The following CCNL1 variants were observed in gnomAD, a reference collection of about 807,000 sequenced individuals.
CCNL1 encodes the protein cyclin-L1.
CCNL1 carries 13 observed loss-of-function variants against 60.6 expected under a neutral mutation model. The observed-to-expected ratio is 0.21, with a 90% CI of 0.14 to 0.34. The LOEUF is 0.34. Among genes scored for constraint, CCNL1 ranks in the 10% least tolerant of loss-of-function variants. The pLI is 1.00. For missense variants in CCNL1, 481 were observed against 664.3 expected, an observed-to-expected ratio of 0.72 and a Z score of 3.03; for synonymous variants, 270 against 244.3, an observed-to-expected ratio of 1.10 and a Z score of -0.98.
intron 5 of CCNL1, chr3:157,150,588 A>G: frequency 2.3e-6 from 3 of 1,285,378 alleles, no homozygotes; most frequent in Non-Finnish European, 9.9e-7. Flanking sequence ...ATTTTCCTAT[A>G]TATGAGCGAA....
chr3:157,156,772 T>G (rs1237827685), intron 3 of CCNL1, among the ~76,000 whole-genome samples: 1 of 152,214 alleles, frequency 6.6e-6, no homozygotes, highest in Non-Finnish European at 1.5e-5. Flanking sequence ...TTAAGACAAG[T>G]GATATGCTTT....
intron 10 of CCNL1, chr3:157,149,064 G>C: frequency 1.9e-6 from 1 of 519,788 alleles, no homozygotes; most frequent in Non-Finnish European, 3.4e-6. Context: ...TTTGTGGGTA[G>C]CTCCTACACT....
chr3:157,157,136 G>A, intron 3 of CCNL1: 1 of 1,284,140 alleles, frequency 7.8e-7, no homozygotes, highest in East Asian at 5.6e-5. Flanking sequence ...ACATATACAA[G>A]TTACGTGCTT....
intron 3 of CCNL1, chr3:157,157,140 C>T (rs574087252): frequency 2.5e-5 from 32 of 1,276,580 alleles, no homozygotes; most frequent in African/African-American, 1.2e-4. Flanking sequence ...ATACAAGTTA[C>T]GTGCTTGAGT....
chr3:157,156,661 A>G (rs1738646941), intron 3 of CCNL1, among the ~76,000 whole-genome samples: 1 of 152,222 alleles, frequency 6.6e-6, no homozygotes, highest in South Asian at 2.1e-4. Flanking sequence ...GAAGAGACCA[A>G]TGACCTACAA....
chr3:157,155,488 T>C (rs947119852), intron 3 of CCNL1, among the ~76,000 whole-genome samples: 12 of 152,202 alleles, frequency 7.9e-5, no homozygotes, highest in Admixed American at 1.3e-4. Context: ...TATAATTCAA[T>C]ATATACTTAA....
chr3:157,159,765 C>T, intron 1 of CCNL1, 27 bp downstream of exon 1: 1 of 1,502,878 alleles, frequency 6.7e-7, no homozygotes, highest in South Asian at 1.3e-5. Context: ...GAGGAGCGCC[C>T]GGCCGGCCCG....
intron 5 of CCNL1, 140 bp from the exon 6 acceptor site, chr3:157,150,521 ACTCTT>A: frequency 7.2e-7 from 1 of 1,390,938 alleles, no homozygotes; most frequent in Non-Finnish European, 9.4e-7. Context: ...GCATATAACA[ACTCTT>A]AACTCAAAAA....
intron 2 of CCNL1, 111 bp from the exon 3 acceptor site, chr3:157,159,086 T>C: frequency 1.4e-6 from 1 of 725,474 alleles, no homozygotes; most frequent in Non-Finnish European, 2.3e-6. Flanking sequence ...AAGACATCTC[T>C]ATGCCGTAAG....
rs1229490108 is a variant in CCNL1, at chr3:157,153,144, G to T, written c.501C>A (p.Pro167=). The T allele has an allele frequency of 1.2e-6, 2 of 1,611,830 alleles. No homozygotes were observed. The highest frequency in any genetic ancestry group is 2.2e-5 in the South Asian group (2 of 90,830). Residue 167 remains proline (P), a synonymous_variant, in exon 4 of 11, where the codon CCC becomes CCA. Coordinates refer to ENST00000295926, the MANE Select transcript of CCNL1 (RefSeq NM_020307.4). ...TAATGTAGTTCTGATCAAGGATCAG[G>T]GGGCTTGGAGTCCTATAGTTTGTAA... The part of the protein sequence containing the change: ...RQLRGKRTPS[P]LILDQNYINT...
At chr3:157,158,229 C>T (rs1738777103) in intron 3 of CCNL1, among the ~76,000 whole-genome samples, 1 of 152,192 alleles carries the variant, frequency 6.6e-6, no homozygotes. Context: ...CTAAATGCAA[C>T]CCAATCAATC....
At chr3:157,144,295 CTG>C (rs1737720072), downstream of CCNL1, among the ~76,000 whole-genome samples, 1 of 152,172 alleles carries the variant, frequency 6.6e-6, no homozygotes, top group African/African-American at 2.4e-5. Context: ...ATCTTTTGAA[CTG>C]TGTTTGAGAG....
chr3:157,145,466 C>CAAAAAAAAAAAAA (rs1737755942), downstream of CCNL1, among the ~76,000 whole-genome samples: 164 of 88,944 alleles, frequency 1.8e-3, 10 homozygotes, highest in African/African-American at 6.5e-3. Flanking sequence ...AAAAAAAAAC[C>CAAAAAAAAAAAAA]AAAACGGGAT....
chr3:157,159,649 C>G, intron 1 of CCNL1, 143 bp downstream of exon 1: 1 of 1,011,962 alleles, frequency 9.9e-7, no homozygotes, highest in Non-Finnish European at 1.4e-6. Context: ...CGCCCCGGCA[C>G]GCCCCGGCCG....
chr3:157,148,632 G>A (rs1218873999), intron 10 of CCNL1, 43 bp from the exon 11 acceptor site: 1 of 1,509,146 alleles, frequency 6.6e-7, no homozygotes, highest in Non-Finnish European at 8.9e-7. Context: ...GTTTCTATGG[G>A]GAACAGATTA....
chr3:157,156,647 G>C (rs2108134309), intron 3 of CCNL1, among the ~76,000 whole-genome samples: 1 of 152,290 alleles, frequency 6.6e-6, no homozygotes, highest in East Asian at 1.9e-4. Flanking sequence ...TGTGTAGCCA[G>C]GCTGAAGAGA....
At chr3:157,156,897 G>C in intron 3 of CCNL1, 5 of 1,282,668 alleles carry the variant, frequency 3.9e-6, no homozygotes, top group Non-Finnish European at 5.1e-6. Flanking sequence ...CTTATAACAA[G>C]AAACAGGAGT....
rs767883025 is a variant in CCNL1, at chr3:157,158,985, C to T, written c.379-10G>A. ...AAGCCATAGCAACAATCTGAAAGAA[C>T]CCATGAGCCACAAAAGCCATTGTTA... On this transcript the variant is annotated splice_polypyrimidine_tract_variant and intron_variant, in intron 2 of 10. Coordinates refer to ENST00000295926, the MANE Select transcript of CCNL1 (RefSeq NM_020307.4). 43 of 1,572,074 alleles carry T rather than the reference C, an allele frequency of 2.7e-5. 1 individual carries two copies. In the South Asian group the frequency reaches 4.6e-4, roughly 17 times the overall value.
At position 157,160,051 on chromosome 3, in the gene CCNL1, G is replaced by A. The variant is rs1350124039; in HGVS notation, c.44C>T (p.Ala15Val). Residue 15 changes from alanine (A) to valine (V), a missense_variant, in exon 1 of 11, where the codon GCC (alanine) becomes GTC (valine). This residue lies in a region of CCNL1 where 65 missense variants were observed against 57.5 expected (regional missense o/e 1.13). Coordinates refer to ENST00000295926, the MANE Select transcript of CCNL1 (RefSeq NM_020307.4). ...GCCCGCGCTTGGGGCGGCCGATGAG[G>A]CGGCTGCGGCAGCAGTAGCTGTCGA... is the stretch of plus-strand genomic sequence containing the variant. Reference protein sequence around the residue: ...PHSTATAAAAASSAAPSAGGS... With the variant: ...PHSTATAAAAVSSAAPSAGGS... The A allele has an allele frequency of 6.4e-7, 1 of 1,561,302 alleles. No homozygotes were observed. The highest frequency in any genetic ancestry group is 1.9e-5 in the Admixed American group (1 of 51,896).
Sources: allele counts gnomAD v4.1 joint callset (sites outside exome capture counted in the v4.1 genomes callset), GRCh38; gene constraint gnomAD v4.1.1; regional missense constraint gnomAD v4.1.1; transcripts MANE v1.5; gene names NCBI Gene and HGNC (gene_info 2026-07-23, HGNC 2026-07-21).